Variants in NRG3 observed in about 807,000 individuals in gnomAD.
The protein encoded by NRG3 is pro-neuregulin-3, membrane-bound isoform.
A neutral mutation model predicts 66.9 loss-of-function variants in NRG3; 31 were observed. The observed-to-expected ratio is 0.46, with a 90% confidence interval of 0.35 to 0.63. NRG3 has a LOEUF of 0.63. Ranked by LOEUF, NRG3 falls within the 20% of genes least tolerant of loss-of-function variation. The pLI, the probability that NRG3 is intolerant of heterozygous loss-of-function variation, is 0.00. For synonymous variants in NRG3, 393 were observed against 359.4 expected, an observed-to-expected ratio of 1.09 and a Z score of -1.06; for missense variants, 910 against 878.9, an observed-to-expected ratio of 1.04 and a Z score of -0.45.
At chr10:82,539,251 G>A (rs1465127242) in intron 2 of NRG3, among the ~76,000 whole-genome samples, 1 of 151,956 alleles carries the variant, frequency 6.6e-6, no homozygotes, top group African/African-American at 2.4e-5. Context: ...TAAGGGTTTT[G>A]TGCAATTGTT....
chr10:82,790,621 A>C (rs1446796808), intron 3 of NRG3, among the ~76,000 whole-genome samples: 1 of 152,000 alleles, frequency 6.6e-6, no homozygotes, highest in African/African-American at 2.4e-5. Context: ...TTTGTTAACA[A>C]ATTTGGGGAA....
At chr10:81,934,083 C>G (rs1388714316) in intron 1 of NRG3, among the ~76,000 whole-genome samples, 3 of 152,156 alleles carry the variant, frequency 2.0e-5, no homozygotes, top group Non-Finnish European at 2.9e-5. Context: ...AATGATCATA[C>G]CAGACAGATC....
At chr10:82,408,124 AAAG>A (rs2087745120) in intron 2 of NRG3, among the ~76,000 whole-genome samples, 1 of 144,310 alleles carries the variant, frequency 6.9e-6, no homozygotes, top group Non-Finnish European at 1.5e-5. Context: ...AGAAAGAAAG[AAAG>A]AAAGAAAGAA....
At chr10:82,938,591 G>C (rs1355102321) in intron 4 of NRG3, among the ~76,000 whole-genome samples, 2 of 152,238 alleles carry the variant, frequency 1.3e-5, no homozygotes, top group East Asian at 3.8e-4. Context: ...CTGTGGTAAA[G>C]GAGTTAGATT....
At chr10:82,981,663 T>G (rs1852915606) in intron 8 of NRG3, among the ~76,000 whole-genome samples, 1 of 152,168 alleles carries the variant, frequency 6.6e-6, no homozygotes, top group African/African-American at 2.4e-5. Context: ...CAGCCCAGCT[T>G]GAACCTAACA....
At chr10:82,437,143 T>C (rs1427864143) in intron 2 of NRG3, among the ~76,000 whole-genome samples, 1 of 152,152 alleles carries the variant, frequency 6.6e-6, no homozygotes, top group Non-Finnish European at 1.5e-5. Context: ...TCCAGTTTGT[T>C]TCCATTCTCC....
In NRG3 at chr10:82,362,548, G is replaced by GTTTTTTTTTTTTTTTTTTTTTTTT. The variant is rs10694679; in HGVS notation, c.953+3701_953+3702insTTTTTTTTTTTTTTTTTTTTTTTT. ...ACCACCATGCCCAGATAATTTCTGG[G>GTTTTTTTTTTTTTTTTTTTTTTTT]TTTTTTTTTTTTTTTTTTTTTCGTA... On this transcript the variant is annotated intron_variant, in intron 2 of 8. Coordinates refer to ENST00000372141, the MANE Select transcript of NRG3 (RefSeq NM_001010848.4). Among the ~76,000 whole-genome samples the GTTTTTTTTTTTTTTTTTTTTTTTT allele has an allele frequency of 2.0e-4, 17 of 83,206 alleles. 2 individuals are homozygous for GTTTTTTTTTTTTTTTTTTTTTTTT. The highest frequency in any genetic ancestry group is 9.5e-4 in the South Asian group (2 of 2,104). The allele number at this position is 83,206 out of a possible 152,430, so 54.6% of individuals were successfully genotyped here. A position where few individuals can be genotyped will look rare whatever the true frequency, so the allele number is the denominator to read the frequency against.
intron 4 of NRG3, among the ~76,000 whole-genome samples, chr10:82,890,624 T>C (rs570808343): frequency 2.6e-5 from 4 of 152,338 alleles, no homozygotes; most frequent in African/African-American, 9.6e-5. Flanking sequence ...ATAAATGTGC[T>C]CATTTCTATT....
chr10:82,844,142 G>T (rs528322667), intron 3 of NRG3, among the ~76,000 whole-genome samples: 4 of 152,194 alleles, frequency 2.6e-5, no homozygotes, highest in African/African-American at 7.2e-5. Context: ...ACAGACAATG[G>T]CAGAAATTAT....
At chr10:81,991,822 C>T (rs2060753778) in intron 1 of NRG3, among the ~76,000 whole-genome samples, 1 of 151,924 alleles carries the variant, frequency 6.6e-6, no homozygotes, top group African/African-American at 2.4e-5. Context: ...TATCTATCAC[C>T]CATGAATATT....
At chr10:82,212,232 G>A (rs1251207348) in intron 1 of NRG3, among the ~76,000 whole-genome samples, 1 of 152,168 alleles carries the variant, frequency 6.6e-6, no homozygotes, top group Non-Finnish European at 1.5e-5. Context: ...GTTCTGAGGA[G>A]CAAAGAAGCA....
At chr10:82,585,341 A>G (rs1187370376) in intron 2 of NRG3, among the ~76,000 whole-genome samples, 1 of 152,216 alleles carries the variant, frequency 6.6e-6, no homozygotes, top group Non-Finnish European at 1.5e-5. Context: ...TGGACTAATG[A>G]AAATAAGCAG....
intron 2 of NRG3, among the ~76,000 whole-genome samples, chr10:82,507,280 G>A (rs1844769958): frequency 6.6e-6 from 1 of 152,128 alleles, no homozygotes; most frequent in Non-Finnish European, 1.5e-5. Flanking sequence ...CATGCCTGAG[G>A]GAGTTGGTAC....
chr10:82,775,754 A>G (rs985176593), intron 3 of NRG3, among the ~76,000 whole-genome samples: 1 of 152,044 alleles, frequency 6.6e-6, no homozygotes, highest in Non-Finnish European at 1.5e-5. Flanking sequence ...GAAGTTCCCT[A>G]CTATTATTGT....
chr10:82,316,749 C>T (rs188668399), intron 1 of NRG3, among the ~76,000 whole-genome samples: 2 of 152,300 alleles, frequency 1.3e-5, no homozygotes, highest in East Asian at 3.9e-4. Context: ...TCCCTTATGT[C>T]CTTGTTTTCC....
intron 5 of NRG3, among the ~76,000 whole-genome samples, chr10:82,953,436 G>A (rs1283614870): frequency 2.0e-5 from 3 of 151,950 alleles, no homozygotes; most frequent in Non-Finnish European, 4.4e-5. Flanking sequence ...GAGCTGCGCA[G>A]AGCGAGTTAG....
chr10:82,049,048 G>A (rs939127388), intron 1 of NRG3, among the ~76,000 whole-genome samples: 1 of 152,108 alleles, frequency 6.6e-6, no homozygotes, highest in East Asian at 1.9e-4. Context: ...ACTAAACCAG[G>A]AAGAAGTTGA....
At chr10:82,129,551 T>A (rs2132474430) in intron 1 of NRG3, among the ~76,000 whole-genome samples, 1 of 152,234 alleles carries the variant, frequency 6.6e-6, no homozygotes, top group South Asian at 2.1e-4. Context: ...CTTTGTTTTA[T>A]GAACATTTCA....
intron 2 of NRG3, among the ~76,000 whole-genome samples, chr10:82,437,993 G>A (rs1189074298): frequency 6.6e-6 from 1 of 152,196 alleles, no homozygotes; most frequent in Non-Finnish European, 1.5e-5. Flanking sequence ...TGAATAGGGT[G>A]TCCGACAAAC....
Sources: allele counts gnomAD v4.1 joint callset (sites outside exome capture counted in the v4.1 genomes callset), GRCh38; gene constraint gnomAD v4.1.1; transcripts MANE v1.5; gene names NCBI Gene and HGNC (gene_info 2026-07-23, HGNC 2026-07-21).